The following NKAIN2 variants were observed in gnomAD, a reference collection of about 807,000 sequenced individuals.
NKAIN2 encodes the protein sodium/potassium-transporting ATPase subunit beta-1-interacting protein 2.
A neutral mutation model predicts 32.6 loss-of-function variants in NKAIN2; 14 were observed. The observed-to-expected ratio is 0.43, with a 90% confidence interval of 0.28 to 0.67. NKAIN2 has a LOEUF of 0.67. Ranked by LOEUF, NKAIN2 falls within the 30% of genes least tolerant of loss-of-function variation. The probability of loss-of-function intolerance (pLI) is 0.17; values close to 1 mark genes in which losing one functional copy is unlikely to be tolerated. For missense variants in NKAIN2, 198 were observed against 258.3 expected, an observed-to-expected ratio of 0.77 and a Z score of 1.60; for synonymous variants, 80 against 87.2, an observed-to-expected ratio of 0.92 and a Z score of 0.46.
chr6:124,110,141 T>C (rs1785312263), intron 1 of NKAIN2, among the ~76,000 whole-genome samples: 1 of 141,254 alleles, frequency 7.1e-6, no homozygotes, highest in Admixed American at 6.9e-5. Context: ...CTCATTTTCT[T>C]TTTTTTTTTT....
At chr6:124,328,444 G>A (rs1010136923) in intron 2 of NKAIN2, among the ~76,000 whole-genome samples, 1 of 152,072 alleles carries the variant, frequency 6.6e-6, no homozygotes, top group African/African-American at 2.4e-5. Flanking sequence ...TTTTGTGTTG[G>A]AGAAATTCAG....
chr6:124,508,842 C>T (rs923010864), intron 3 of NKAIN2, among the ~76,000 whole-genome samples: 4 of 152,146 alleles, frequency 2.6e-5, no homozygotes, highest in Admixed American at 2.0e-4. Flanking sequence ...CCTTCATCAT[C>T]ACATGACCAT....
intron 3 of NKAIN2, among the ~76,000 whole-genome samples, chr6:124,495,017 A>G (rs1778010630): frequency 6.6e-6 from 1 of 152,132 alleles, no homozygotes. Context: ...GGTTAATTCT[A>G]TGCTTTATGA....
intron 3 of NKAIN2, among the ~76,000 whole-genome samples, chr6:124,514,263 G>T (rs1319109640): frequency 6.6e-6 from 1 of 152,220 alleles, no homozygotes. Context: ...AAGATTTAGA[G>T]AAATCAGTTT....
intron 3 of NKAIN2, chr6:124,437,890 T>TTTTTTG: frequency 2.4e-6 from 1 of 415,812 alleles, no homozygotes; most frequent in Non-Finnish European, 4.7e-6. Flanking sequence ...TTTTTTTTTT[T>TTTTTTG]TCTTAACCCC....
intron 1 of NKAIN2, among the ~76,000 whole-genome samples, chr6:124,265,756 A>G (rs140762765): frequency 1.5e-4 from 23 of 151,078 alleles, no homozygotes; most frequent in African/African-American, 5.6e-4. Flanking sequence ...CCAGCAAGGC[A>G]ATCAGCCCCC....
At chr6:124,378,701 C>T (rs1161560008) in intron 3 of NKAIN2, among the ~76,000 whole-genome samples, 1 of 152,056 alleles carries the variant, frequency 6.6e-6, no homozygotes, top group African/African-American at 2.4e-5. Flanking sequence ...TCCACCAGCA[C>T]TGGCATCTTC....
intron 1 of NKAIN2, among the ~76,000 whole-genome samples, chr6:123,818,976 GTGTT>G (rs1296970212): frequency 6.6e-6 from 1 of 152,186 alleles, no homozygotes; most frequent in Non-Finnish European, 1.5e-5. Flanking sequence ...GGAAAGGTGT[GTGTT>G]TGTCTGTGTG....
intron 1 of NKAIN2, among the ~76,000 whole-genome samples, chr6:124,109,971 C>A (rs907877258): frequency 1.1e-4 from 17 of 149,508 alleles, no homozygotes; most frequent in Non-Finnish European, 3.0e-5. Context: ...CATCTATGAT[C>A]CCTTTAATGG....
intron 1 of NKAIN2, among the ~76,000 whole-genome samples, chr6:124,108,095 A>C (rs1022002699): frequency 2.0e-5 from 3 of 152,082 alleles, no homozygotes; most frequent in Admixed American, 2.0e-4. Flanking sequence ...AGGAACCCCC[A>C]CACTGTTTGC....
At chr6:123,871,626 C>T (rs1251338248) in intron 1 of NKAIN2, among the ~76,000 whole-genome samples, 1 of 152,166 alleles carries the variant, frequency 6.6e-6, no homozygotes, top group East Asian at 1.9e-4. Context: ...TATTTGGACA[C>T]TTTTCACATC....
chr6:124,553,959 G>T (rs1438508652), intron 3 of NKAIN2, among the ~76,000 whole-genome samples: 3 of 152,080 alleles, frequency 2.0e-5, no homozygotes, highest in African/African-American at 7.2e-5. Flanking sequence ...TCTTGAGTAT[G>T]CCCTTTTACA....
At chr6:124,473,560 T>G (rs1367970989) in intron 3 of NKAIN2, among the ~76,000 whole-genome samples, 1 of 152,182 alleles carries the variant, frequency 6.6e-6, no homozygotes, top group African/African-American at 2.4e-5. Context: ...TTGTTGGCAC[T>G]TTTTTAGTAT....
intron 1 of NKAIN2, among the ~76,000 whole-genome samples, chr6:123,852,152 AT>A (rs1775374230): frequency 6.6e-6 from 1 of 152,040 alleles, no homozygotes; most frequent in Admixed American, 6.6e-5. Flanking sequence ...GTCCAATTTC[AT>A]TTTTCTGCAT....
chr6:124,559,406 C>T (rs1230935483), intron 3 of NKAIN2, among the ~76,000 whole-genome samples: 1 of 152,128 alleles, frequency 6.6e-6, no homozygotes, highest in Admixed American at 6.5e-5. Flanking sequence ...CTAAGTGACT[C>T]ATTTGTCATG....
At chr6:124,556,462 A>G (rs1009644692) in intron 3 of NKAIN2, among the ~76,000 whole-genome samples, 5 of 152,198 alleles carry the variant, frequency 3.3e-5, no homozygotes, top group Admixed American at 3.3e-4. Flanking sequence ...TAGGTTGGCT[A>G]TCACAGGAGT....
intron 3 of NKAIN2, among the ~76,000 whole-genome samples, chr6:124,554,931 A>G (rs1308506744): frequency 6.6e-6 from 1 of 151,962 alleles, no homozygotes; most frequent in African/African-American, 2.4e-5. Flanking sequence ...CTGCTGCTGA[A>G]TCCCTCCAGC....
intron 3 of NKAIN2, among the ~76,000 whole-genome samples, chr6:124,650,510 C>T (rs1784330722): frequency 6.6e-6 from 1 of 152,064 alleles, no homozygotes; most frequent in South Asian, 2.1e-4. Flanking sequence ...TATAATTGTG[C>T]ATTTAGGCTG....
At chr6:124,269,073 T>A (rs939297112) in intron 1 of NKAIN2, among the ~76,000 whole-genome samples, 2 of 152,200 alleles carry the variant, frequency 1.3e-5, no homozygotes, top group Admixed American at 1.3e-4. Flanking sequence ...ATGCTTTGAA[T>A]TTTCATGTTT....
Sources: allele counts gnomAD v4.1 joint callset (sites outside exome capture counted in the v4.1 genomes callset), GRCh38; gene constraint gnomAD v4.1.1; transcripts MANE v1.5; gene names NCBI Gene and HGNC (gene_info 2026-07-23, HGNC 2026-07-21).